EIF3A: variants seen among roughly 807,000 people sequenced by gnomAD.
The protein encoded by EIF3A is eukaryotic translation initiation factor 3 subunit A, also known as EIF3, p180 subunit.
Under a neutral mutation model 186.6 loss-of-function variants are expected in EIF3A, and 21 were observed. That is an observed-to-expected ratio of 0.11 (90% CI 0.08 to 0.16). EIF3A has a LOEUF of 0.16. EIF3A is among the 10% of genes least tolerant of loss of function. EIF3A has a pLI of 1.00. For missense variants in EIF3A, 1,306 were observed against 1,796.3 expected (o/e 0.73, Z 4.93); for synonymous variants, 563 against 584.3 (o/e 0.96, Z 0.52).
At chr10:119,057,189 C>T (rs12412616) in intron 12 of EIF3A, 149 bp from the exon 13 acceptor site, 8 of 596,002 alleles carry the variant, frequency 1.3e-5, no homozygotes, top group Admixed American at 1.0e-4. Flanking sequence ...ATACAATAGC[C>T]TTATTTCCAT....
At chr10:119,076,315 A>AG (rs1844172700) in intron 1 of EIF3A, among the ~76,000 whole-genome samples, 1 of 51,618 alleles carries the variant, frequency 1.9e-5, no homozygotes, top group Admixed American at 2.5e-4. Flanking sequence ...CCTGGGCAAC[A>AG]AGTCTCCAAA....
chr10:119,073,172 C>CAAAT, intron 3 of EIF3A, 119 bp from the exon 4 acceptor site: 1 of 913,766 alleles, frequency 1.1e-6, no homozygotes, highest in Non-Finnish European at 1.6e-6. Flanking sequence ...TATGTACACA[C>CAAAT]TGCAAAGGTG....
intron 1 of EIF3A, among the ~76,000 whole-genome samples, chr10:119,078,513 G>A (rs1482648917): frequency 6.6e-6 from 1 of 152,038 alleles, no homozygotes; most frequent in Non-Finnish European, 1.5e-5. Context: ...AATGCCCTTT[G>A]ATCCTTCACT....
chr10:119,041,822 T>C (rs1848212350), intron 19 of EIF3A, among the ~76,000 whole-genome samples, 172 bp downstream of exon 19: 1 of 152,144 alleles, frequency 6.6e-6, no homozygotes, highest in South Asian at 2.1e-4. Flanking sequence ...ATGTTTTGGA[T>C]GGTGGTATTC....
rs142128350 is a variant in EIF3A at position 119,034,149 on chromosome 10, T to C, written c.*1890A>G. ...ACCTGTTGGTAAATACTAATGGGAG[T>C]AGACAGAGTTGTATGGCCTGGACAG... On this transcript the variant is annotated 3_prime_UTR_variant, in exon 22 of 22. Transcript: ENST00000369144. 1 of 167,066 alleles carries C rather than the reference T, an allele frequency of 6.0e-6. No homozygotes were observed. Among genetic ancestry groups the C allele is most frequent in the Non-Finnish European group, 1.5e-5 (1 of 68,112 alleles). 10.3% of individuals were successfully genotyped at this position (167,066 alleles called of 1,614,324 possible). A position where few individuals can be genotyped will look rare whatever the true frequency, so the allele number is the denominator to read the frequency against.
chr10:119,061,165 CA>C, intron 8 of EIF3A, 58 bp downstream of exon 8: 1 of 955,718 alleles, frequency 1.0e-6, no homozygotes, highest in Non-Finnish European at 1.6e-6. Flanking sequence ...GAATACAACC[CA>C]AAACTGCAAG....
chr10:119,080,748 G>T lies in EIF3A; in HGVS notation c.-72C>A. 1.3e-6 allele frequency: 2 copies of T among 1,538,122 alleles called. No homozygotes were observed. Among genetic ancestry groups the T allele is most frequent in the Admixed American group, 4.0e-5 (2 of 49,696 alleles). On this transcript the variant is annotated 5_prime_UTR_variant, in exon 1 of 22. Transcript: ENST00000369144. Reference sequence around the variant, plus strand: ...GCCCGGGCCGGGAGAGGAGACGAAGGGGAACCAGCGTAAGGTCCCACGCGC... The same window carrying T: ...GCCCGGGCCGGGAGAGGAGACGAAGTGGAACCAGCGTAAGGTCCCACGCGC...
At chr10:119,073,378 C>T (rs1283012833) in intron 3 of EIF3A, 63 bp downstream of exon 3, 3 of 1,218,532 alleles carry the variant, frequency 2.5e-6, no homozygotes, top group Admixed American at 4.6e-5. Context: ...GAAATGAAGA[C>T]CCATGTAAAA....
intron 4 of EIF3A, among the ~76,000 whole-genome samples, chr10:119,071,637 T>G (rs1844072803): frequency 6.6e-6 from 1 of 152,206 alleles, no homozygotes; most frequent in South Asian, 2.1e-4. Flanking sequence ...AAAATAGTTA[T>G]GTCTATTTTA....
chr10:119,040,111 AAAC>A, intron 19 of EIF3A, among the ~76,000 whole-genome samples: 1 of 152,360 alleles, frequency 6.6e-6, no homozygotes, highest in South Asian at 2.1e-4. Context: ...TAGGCAACAG[AAAC>A]AACTGGGGAA....
At chr10:119,048,044 T>A (rs977721587) in intron 17 of EIF3A, among the ~76,000 whole-genome samples, 5 of 152,132 alleles carry the variant, frequency 3.3e-5, no homozygotes, top group Non-Finnish European at 7.3e-5. Flanking sequence ...CCCCAATGGC[T>A]ACAGCACAGG....
chr10:119,048,568 C>T (rs1848311807), intron 17 of EIF3A, among the ~76,000 whole-genome samples: 2 of 152,130 alleles, frequency 1.3e-5, no homozygotes, highest in African/African-American at 2.4e-5. Flanking sequence ...TCAAAGTCTG[C>T]GTTTCTAACA....
intron 1 of EIF3A, among the ~76,000 whole-genome samples, chr10:119,074,198 G>A (rs936613133): frequency 6.6e-6 from 1 of 152,186 alleles, no homozygotes; most frequent in Non-Finnish European, 1.5e-5. Context: ...GGGCGCAGTG[G>A]CTCATGCCTG....
At chr10:119,046,680 C>CA (rs1295501107) in intron 17 of EIF3A, among the ~76,000 whole-genome samples, 2 of 152,180 alleles carry the variant, frequency 1.3e-5, no homozygotes, top group Non-Finnish European at 2.9e-5. Flanking sequence ...TAATGGTGGC[C>CA]AGGCACAGTG....
intron 19 of EIF3A, 148 bp from the exon 20 acceptor site, chr10:119,038,587 T>G (rs1007493992): frequency 2.4e-5 from 16 of 673,242 alleles, no homozygotes; most frequent in Non-Finnish European, 7.5e-6. Context: ...GCTGTGTACA[T>G]CACTGCACAG....
In EIF3A at chr10:119,050,509, T is replaced by A. The variant is rs1274836640; in HGVS notation, c.2473+12A>T. 6.2e-7 allele frequency: 1 copy of A among 1,612,640 alleles called. No individual in the cohort carries two copies. The highest frequency in any genetic ancestry group is 8.5e-7 in the Non-Finnish European group (1 of 1,178,956). ...GCATTAGCACCCCTCCAATCCTGTTTGACCTGTGTACCTTTTAGCATTTGT... is the reference window on the plus strand; with the variant it reads ...GCATTAGCACCCCTCCAATCCTGTTAGACCTGTGTACCTTTTAGCATTTGT... On this transcript the variant is annotated intron_variant, in intron 16 of 21. Coordinates refer to ENST00000369144, the MANE Select transcript of EIF3A (RefSeq NM_003750.4).
At chr10:119,041,889 A>C (rs537023174) in intron 19 of EIF3A, 105 bp downstream of exon 19, 3 of 1,247,146 alleles carry the variant, frequency 2.4e-6, no homozygotes, top group East Asian at 2.3e-5. Flanking sequence ...GAAAGATGAA[A>C]GACCAGTTTA....
At chr10:119,080,484 C>G (rs1844247031) in intron 1 of EIF3A, 144 bp downstream of exon 1, 1 of 1,390,836 alleles carries the variant, frequency 7.2e-7, no homozygotes, top group Non-Finnish European at 9.2e-7. Context: ...TGCCCAACCA[C>G]CGGCTGGGAC....
rs184079206 is a variant in EIF3A, at chr10:119,036,432, C to T, written c.3920-164G>A. 8.6e-5 allele frequency among the ~76,000 whole-genome samples: 13 copies of T among 152,024 alleles called. 1 individual carries two copies. The highest frequency in any genetic ancestry group is 3.1e-4 in the African/African-American group (13 of 41,380). On this transcript the variant is annotated intron_variant, in intron 21 of 21. Coordinates refer to ENST00000369144, the MANE Select transcript of EIF3A (RefSeq NM_003750.4). ...TTAAATACAGAAATCATAATGAAAG[C>T]TCATACAATTTCTGACAATCTTTAA...
Sources: allele counts gnomAD v4.1 joint callset (sites outside exome capture counted in the v4.1 genomes callset), GRCh38; gene constraint gnomAD v4.1.1; transcripts MANE v1.5; gene names NCBI Gene and HGNC (gene_info 2026-07-23, HGNC 2026-07-21).